SLC13A1: variants seen among roughly 807,000 people sequenced by gnomAD.
The protein encoded by SLC13A1 is solute carrier family 13 member 1, also known as Na(+)/sulfate cotransporter.
A neutral mutation model predicts 70.0 loss-of-function variants in SLC13A1; 65 were observed. That is an observed-to-expected ratio of 0.93 (90% confidence interval 0.76 to 1.14). SLC13A1 has a LOEUF of 1.14. Ranked by LOEUF, SLC13A1 falls within the 50% of genes most tolerant of loss-of-function variation. The probability of loss-of-function intolerance (pLI) is 0.00; values close to 1 mark genes in which losing one functional copy is unlikely to be tolerated. For synonymous variants in SLC13A1, 275 were observed against 250.5 expected, an observed-to-expected ratio of 1.10 and a Z score of -0.92; for missense variants, 726 against 717.8, an observed-to-expected ratio of 1.01 and a Z score of -0.13.
At chr7:123,172,019 A>C in intron 2 of SLC13A1, 115 bp from the exon 3 acceptor site, 1 of 912,814 alleles carries the variant, frequency 1.1e-6, no homozygotes, top group Non-Finnish European at 1.6e-6. Context: ...TAATCTTTCC[A>C]TTTTGTTGAG....
At chr7:123,143,150 A>C (rs1794219185) in intron 7 of SLC13A1, among the ~76,000 whole-genome samples, 2 of 152,052 alleles carry the variant, frequency 1.3e-5, no homozygotes, top group African/African-American at 2.4e-5. Flanking sequence ...AGCAGTAGGA[A>C]GGAGTCTTTT....
At chr7:123,198,492 G>C (rs1027758993) in intron 1 of SLC13A1, among the ~76,000 whole-genome samples, 2 of 151,988 alleles carry the variant, frequency 1.3e-5, no homozygotes, top group Non-Finnish European at 2.9e-5. Context: ...AGCTCTGTGA[G>C]ACCTCAGCAC....
At chr7:123,134,139 C>T (rs967413930) in intron 8 of SLC13A1, among the ~76,000 whole-genome samples, 3 of 152,040 alleles carry the variant, frequency 2.0e-5, no homozygotes, top group African/African-American at 7.2e-5. Context: ...GCAATCCTCC[C>T]ACCTTGGCCT....
rs77575276 is a variant in SLC13A1, at chr7:123,149,386, A to C, written c.661-2076T>G. 1,546 of 419,440 alleles carry C rather than the reference A, an allele frequency of 3.7e-3. 25 individuals are homozygous for C. Among genetic ancestry groups the C allele is most frequent in the African/African-American group, 0.029 (1,376 of 48,132 alleles). 26.0% of individuals were successfully genotyped at this position (419,440 alleles called of 1,614,324 possible). A position where few individuals can be genotyped will look rare whatever the true frequency, so the allele number is the denominator to read the frequency against. On this transcript the variant is annotated intron_variant, in intron 6 of 14. Coordinates refer to ENST00000194130, the MANE Select transcript of SLC13A1 (RefSeq NM_022444.4). ...AACACTAATCCGTTGACCTTTTCTAAGTCTAAGGTGGTAGATAGCAAGTTC... is the reference window on the plus strand; with the variant it reads ...AACACTAATCCGTTGACCTTTTCTACGTCTAAGGTGGTAGATAGCAAGTTC...
intron 8 of SLC13A1, among the ~76,000 whole-genome samples, chr7:123,132,361 G>A (rs1340660810): frequency 6.6e-6 from 1 of 152,072 alleles, no homozygotes; most frequent in Non-Finnish European, 1.5e-5. Flanking sequence ...ACTGATTTCA[G>A]CATTTTTCTT....
At position 123,128,894 on chromosome 7, in the gene SLC13A1, A is replaced by G; in HGVS notation, c.1084T>C (p.Phe362Leu). The change falls in exon 10 of 15, where the codon TTT becomes CTT. Residue 362 changes from phenylalanine to leucine, a missense_variant. Coordinates refer to ENST00000194130, the MANE Select transcript of SLC13A1 (RefSeq NM_022444.4). ...GGAACAAATCCGGGGTCTCGACTAA[A>G]CCATAGCAGAGCCATTATAATGAAG... is the stretch of plus-strand genomic sequence containing the variant. The part of the protein sequence containing the change: ...VLFIIMALLW[F>L]SRDPGFVPGW... 1 of 1,613,690 alleles carries G rather than the reference A, an allele frequency of 6.2e-7. No homozygotes were observed. The highest frequency in any genetic ancestry group is 1.7e-4 in the Middle Eastern group (1 of 6,060).
intron 7 of SLC13A1, among the ~76,000 whole-genome samples, chr7:123,144,376 G>A (rs946981313): frequency 4.6e-5 from 7 of 152,122 alleles, no homozygotes; most frequent in Admixed American, 1.3e-4. Flanking sequence ...AGTTTTAGAG[G>A]TTAGGTAGAA....
At chr7:123,130,329 G>A (rs549789931) in intron 8 of SLC13A1, among the ~76,000 whole-genome samples, 6 of 152,130 alleles carry the variant, frequency 3.9e-5, no homozygotes, top group Non-Finnish European at 8.8e-5. Context: ...TCCCATCAAT[G>A]ATAGACTGGA....
chr7:123,134,436 C>T lies in SLC13A1; in HGVS notation c.906G>A (p.Trp302Ter). 4 of 1,613,032 alleles carry T rather than the reference C, an allele frequency of 2.5e-6. No homozygotes were observed. Among genetic ancestry groups the T allele is most frequent in the Non-Finnish European group, 3.4e-6 (4 of 1,179,370 alleles). Residue 302 changes from tryptophan (W) to a stop codon, truncating the protein, a stop_gained, in exon 8 of 15, where the codon TGG becomes TGA. Transcript: ENST00000194130. LOFTEE classifies it high-confidence loss of function. ...TGAATCCTAGGAAAAGCCACTGAAGCCAGATCCAGGATAAGAGTAGAATGA... is the reference window on the plus strand; with the variant it reads ...TGAATCCTAGGAAAAGCCACTGAAGTCAGATCCAGGATAAGAGTAGAATGA... ...ALIILLLSWIWLQWLFLGFNF... is the reference protein window; with the variant it reads ...ALIILLLSWI
At chr7:123,131,008 T>C (rs1793738642) in intron 8 of SLC13A1, among the ~76,000 whole-genome samples, 1 of 152,170 alleles carries the variant, frequency 6.6e-6, no homozygotes, top group Admixed American at 6.6e-5. Flanking sequence ...GCTAGATTCT[T>C]ATGGATTATC....
intron 10 of SLC13A1, among the ~76,000 whole-genome samples, chr7:123,128,184 G>A (rs1357916245): frequency 6.6e-6 from 1 of 151,950 alleles, no homozygotes; most frequent in African/African-American, 2.4e-5. Context: ...GGCTGAACTT[G>A]TAGTGAACTA....
chr7:123,144,949 T>C (rs568203279), intron 7 of SLC13A1, among the ~76,000 whole-genome samples: 1 of 152,330 alleles, frequency 6.6e-6, no homozygotes, highest in South Asian at 2.1e-4. Context: ...ATAGATACTA[T>C]AATTGCACAC....
At chr7:123,181,159 T>C in intron 1 of SLC13A1, 58 bp from the exon 2 acceptor site, 2 of 1,568,070 alleles carry the variant, frequency 1.3e-6, no homozygotes, top group Non-Finnish European at 1.7e-6. Context: ...AAGTCAACAT[T>C]CAAACACAAA....
chr7:123,137,823 T>C (rs980467403), intron 7 of SLC13A1, among the ~76,000 whole-genome samples: 4 of 152,134 alleles, frequency 2.6e-5, no homozygotes, highest in African/African-American at 9.7e-5. Flanking sequence ...ATGGGGTACA[T>C]GAGATGTTTT....
At position 123,181,034 on chromosome 7, in the gene SLC13A1, G is replaced by A. The variant is rs748145845; in HGVS notation, c.167C>T (p.Ser56Leu). Residue 56 changes from serine to leucine, a missense_variant, in exon 2 of 15, where the codon TCG (serine) becomes TTG (leucine). Coordinates refer to ENST00000194130, the MANE Select transcript of SLC13A1 (RefSeq NM_022444.4). ...TAAACTAGGTAGCAAAGCTGTTACC[G>A]ACAGAGGCAATGCTTCTGTGAGCCA... ...TFWLTEALPL[S>L]VTALLPSLML... 3.0e-5 allele frequency: 49 copies of A among 1,612,514 alleles called. No individual in the cohort carries two copies. Among genetic ancestry groups the A allele is most frequent in the Middle Eastern group, 1.6e-4 (1 of 6,074 alleles).
At chr7:123,145,968 G>C (rs1182771900) in intron 7 of SLC13A1, among the ~76,000 whole-genome samples, 1 of 152,052 alleles carries the variant, frequency 6.6e-6, no homozygotes, top group Non-Finnish European at 1.5e-5. Flanking sequence ...ATTTTTCTGT[G>C]AACCCAAATC....
intron 7 of SLC13A1, among the ~76,000 whole-genome samples, chr7:123,143,894 T>G (rs1346188328): frequency 6.6e-6 from 1 of 152,190 alleles, no homozygotes; most frequent in Non-Finnish European, 1.5e-5. Flanking sequence ...GATTGCCATT[T>G]GTAAGGTAGC....
intron 1 of SLC13A1, among the ~76,000 whole-genome samples, chr7:123,196,338 T>C (rs1468356810): frequency 2.6e-5 from 4 of 152,008 alleles, no homozygotes; most frequent in Non-Finnish European, 5.9e-5. Flanking sequence ...AATAAGAAAA[T>C]GGAATTGCAT....
At chr7:123,118,605 G>T (rs1424563645) in intron 13 of SLC13A1, among the ~76,000 whole-genome samples, 1 of 152,094 alleles carries the variant, frequency 6.6e-6, no homozygotes, top group Non-Finnish European at 1.5e-5. Context: ...CTGGGCAGTA[G>T]AAAACTGTCT....
Sources: allele counts gnomAD v4.1 joint callset (sites outside exome capture counted in the v4.1 genomes callset), GRCh38; gene constraint gnomAD v4.1.1; transcripts MANE v1.5; gene names NCBI Gene and HGNC (gene_info 2026-07-23, HGNC 2026-07-21).